The following KIAA1671 variants were observed in gnomAD, a reference collection of about 807,000 sequenced individuals.
KIAA1671 encodes the protein KIAA1671, also known as uncharacterized protein KIAA1671.
In KIAA1671, 52 loss-of-function variants were observed where a neutral mutation model predicts 131.2. The ratio of observed to expected loss-of-function variants is 0.40; its 90% CI spans 0.32 to 0.50. The LOEUF (loss-of-function observed/expected upper bound fraction) is 0.50. Ranked by LOEUF, KIAA1671 falls within the 20% of genes least tolerant of loss-of-function variation. The probability of loss-of-function intolerance (pLI) is 0.73; values close to 1 mark genes in which losing one functional copy is unlikely to be tolerated. For synonymous variants in KIAA1671, 1,003 were observed against 961.6 expected (o/e 1.04, Z -0.80); for missense variants, 2,360 against 2,364.2 (o/e 1.00, Z 0.04).
chr22:25,148,113 C>T (rs1220224979), intron 6 of KIAA1671, among the ~76,000 whole-genome samples: 1 of 151,934 alleles, frequency 6.6e-6, no homozygotes, highest in African/African-American at 2.4e-5. Context: ...CCAGCTTTGG[C>T]CCTGGGAAGA....
At chr22:25,145,153 C>T (rs1019119530) in intron 6 of KIAA1671, among the ~76,000 whole-genome samples, 2 of 152,184 alleles carry the variant, frequency 1.3e-5, no homozygotes, top group Non-Finnish European at 2.9e-5. Context: ...TGGGGCCCAG[C>T]GTGGGTTCCC....
intron 6 of KIAA1671, among the ~76,000 whole-genome samples, chr22:25,087,318 C>T (rs1399225182): frequency 1.3e-5 from 2 of 152,222 alleles, no homozygotes; most frequent in Non-Finnish European, 2.9e-5. Context: ...GGCACAGTGG[C>T]TCATGCCTGT....
intron 5 of KIAA1671, among the ~76,000 whole-genome samples, chr22:25,042,070 C>G (rs1458549733): frequency 6.6e-6 from 1 of 152,134 alleles, no homozygotes; most frequent in African/African-American, 2.4e-5. Flanking sequence ...GGCAGGAATG[C>G]TGGCCTTGAG....
intron 11 of KIAA1671, chr22:25,185,368 A>G (rs1470319796): frequency 2.2e-6 from 1 of 456,034 alleles, no homozygotes; most frequent in Non-Finnish European, 3.8e-6. Context: ...GCCACCTGCT[A>G]CATGGAACGC....
rs1934745005 is a variant in KIAA1671, at chr22:25,193,844, T to G, written c.*1443T>G. 6.6e-6 allele frequency: 1 copy of G among 152,210 alleles called. No homozygotes were observed. Among genetic ancestry groups the G allele is most frequent in the African/African-American group, 2.4e-5 (1 of 41,458 alleles). The allele number at this position is 152,210 out of a possible 1,614,324, so 9.4% of individuals were successfully genotyped here. The stretch of plus-strand genomic sequence containing the variant: ...GCCAGATCATGTCACCCACCCAGCC[T>G]TTTACACCTGGGAGCCTCATGCATC... On this transcript the variant is annotated 3_prime_UTR_variant, in exon 13 of 13. Transcript: ENST00000358431.
At chr22:25,054,592 C>T (rs1482058664) in intron 6 of KIAA1671, 1 of 149,784 alleles carries the variant, frequency 6.7e-6, no homozygotes, top group East Asian at 2.0e-4. Flanking sequence ...TGCAGAGCTT[C>T]CATGCCCTCC....
intron 6 of KIAA1671, among the ~76,000 whole-genome samples, chr22:25,167,388 T>C (rs1335640178): frequency 6.6e-6 from 1 of 152,156 alleles, no homozygotes; most frequent in Non-Finnish European, 1.5e-5. Flanking sequence ...GGGGTGTTCG[T>C]CATATTATTG....
chr22:25,074,496 C>CAAAAAA (rs759898395), intron 6 of KIAA1671, among the ~76,000 whole-genome samples: 1 of 64,098 alleles, frequency 1.6e-5, no homozygotes, highest in Non-Finnish European at 3.0e-5. Flanking sequence ...GGCTGTGTCT[C>CAAAAAA]AAAAAAAAAA....
chr22:25,105,821 G>GGC (rs1568958553), intron 6 of KIAA1671, among the ~76,000 whole-genome samples: 1 of 54,096 alleles, frequency 1.8e-5, no homozygotes, highest in East Asian at 9.3e-4. Context: ...TATGAAGTTG[G>GGC]GGGGGGGGGG....
At chr22:24,993,621 G>A (rs948606058) in intron 1 of KIAA1671, among the ~76,000 whole-genome samples, 1 of 152,114 alleles carries the variant, frequency 6.6e-6, no homozygotes, top group African/African-American at 2.4e-5. Flanking sequence ...CTTGGTGCAT[G>A]GCTTATCCAT....
chr22:25,049,169 A>G (rs1927399585), intron 5 of KIAA1671, 61 bp from the exon 6 acceptor site: 2 of 1,522,788 alleles, frequency 1.3e-6, no homozygotes, highest in South Asian at 1.2e-5. Context: ...GGCATAATAT[A>G]TTTTTTCCTG....
At chr22:25,162,188 G>C (rs953701432) in intron 6 of KIAA1671, among the ~76,000 whole-genome samples, 5 of 152,180 alleles carry the variant, frequency 3.3e-5, no homozygotes, top group African/African-American at 1.2e-4. Flanking sequence ...AGGAGTGTCA[G>C]CCCCTGCCAT....
intron 3 of KIAA1671, among the ~76,000 whole-genome samples, chr22:25,030,669 A>G (rs1195801468): frequency 6.6e-6 from 1 of 152,274 alleles, no homozygotes; most frequent in East Asian, 1.9e-4. Context: ...GATGGCTAAT[A>G]ATGATATTCT....
intron 6 of KIAA1671, among the ~76,000 whole-genome samples, chr22:25,106,147 G>A (rs531091935): frequency 1.2e-4 from 19 of 152,296 alleles, no homozygotes; most frequent in African/African-American, 4.6e-4. Flanking sequence ...AAACCCATAA[G>A]GAAGAAAGGG....
chr22:25,157,527 A>C (rs1288143790), intron 6 of KIAA1671, among the ~76,000 whole-genome samples: 1 of 152,218 alleles, frequency 6.6e-6, no homozygotes, highest in African/African-American at 2.4e-5. Context: ...GGTTAAATAC[A>C]TTTTTTAAAA....
chr22:25,000,287 G>A lies in KIAA1671; in HGVS notation c.-207-25346G>A, dbSNP rs1422177047. ...CGGCTCACTGCAAGCTCCGCCTCCC[G>A]GGTTCACGCCATTCTCCTGCCTCAG... On this transcript the variant is annotated intron_variant, in intron 1 of 12. Transcript: ENST00000358431. 3.1e-5 allele frequency among the ~76,000 whole-genome samples: 2 copies of A among 63,516 alleles called. 1 individual carries two copies. The highest frequency in any genetic ancestry group is 6.1e-5 in the Non-Finnish European group (2 of 32,904). 41.7% of individuals were successfully genotyped at this position (63,516 alleles called of 152,430 possible).
intron 6 of KIAA1671, chr22:25,070,428 G>T (rs6004422): frequency 0.12 from 56,386 of 474,240 alleles, 3,550 homozygotes; most frequent in South Asian, 0.17. Context: ...TGAGTGGCGG[G>T]GGGCAGTGCA....
At chr22:25,159,184 T>C (rs1329090946) in intron 6 of KIAA1671, among the ~76,000 whole-genome samples, 2 of 152,122 alleles carry the variant, frequency 1.3e-5, no homozygotes, top group African/African-American at 4.8e-5. Context: ...TGTCAGGCAC[T>C]CCCAGCCGGG....
intron 6 of KIAA1671, among the ~76,000 whole-genome samples, chr22:25,165,731 C>T (rs751204970): frequency 7.2e-5 from 11 of 152,088 alleles, no homozygotes; most frequent in East Asian, 1.9e-4. Flanking sequence ...CAGGGTAGGA[C>T]GGTGGGAAAG....
Sources: allele counts gnomAD v4.1 joint callset (sites outside exome capture counted in the v4.1 genomes callset), GRCh38; gene constraint gnomAD v4.1.1; transcripts MANE v1.5; gene names NCBI Gene and HGNC (gene_info 2026-07-23, HGNC 2026-07-21).